TRAPPC9: variants seen among roughly 807,000 people sequenced by gnomAD.
TRAPPC9 encodes the protein IKK2 binding protein.
A neutral mutation model predicts 124.0 loss-of-function variants in TRAPPC9; 83 were observed. That is an observed-to-expected ratio of 0.67 (90% CI 0.56 to 0.80). The LOEUF (loss-of-function observed/expected upper bound fraction) is 0.80. TRAPPC9 is among the 30% of genes least tolerant of loss of function. The probability of loss-of-function intolerance (pLI) is 0.00; values close to 1 mark genes in which losing one functional copy is unlikely to be tolerated. For synonymous variants in TRAPPC9, 638 were observed against 617.5 expected (o/e 1.03, Z -0.49); for missense variants, 1,302 against 1,508.3 (o/e 0.86, Z 2.27).
At chr8:139,839,220 C>A (rs537288944) in intron 21 of TRAPPC9, among the ~76,000 whole-genome samples, 78 of 152,356 alleles carry the variant, frequency 5.1e-4, no homozygotes, top group African/African-American at 1.8e-3. Context: ...ATGCTGAGCA[C>A]CTGCCACGCT....
rs372444198 is a variant in TRAPPC9, at chr8:140,408,429, C to T, written c.887-2731G>A. Among the ~76,000 whole-genome samples the T allele has an allele frequency of 1.6e-4, 24 of 152,202 alleles. No individual in the cohort carries two copies. The East Asian group carries it at 4.3e-3, about 27-fold the overall frequency. On this transcript the variant is annotated intron_variant, in intron 5 of 22. Coordinates refer to ENST00000438773, the MANE Select transcript of TRAPPC9 (RefSeq NM_001160372.4). ...GCACAAAACTGGAAACCCAGACATA[C>T]ACATAAGATAAAGCAAAAAAAAGAA...
At chr8:140,036,714 G>C (rs1406892631) in intron 17 of TRAPPC9, among the ~76,000 whole-genome samples, 2 of 152,230 alleles carry the variant, frequency 1.3e-5, no homozygotes, top group Admixed American at 6.5e-5. Context: ...ACTCAGAGCA[G>C]GGAGCCCATC....
chr8:140,337,951 C>A (rs1449370229), intron 9 of TRAPPC9, among the ~76,000 whole-genome samples: 1 of 152,124 alleles, frequency 6.6e-6, no homozygotes, highest in Non-Finnish European at 1.5e-5. Flanking sequence ...TTCTCCCCTG[C>A]AAAACGGGGT....
At chr8:140,047,522 G>A (rs542608158) in intron 17 of TRAPPC9, among the ~76,000 whole-genome samples, 1 of 152,318 alleles carries the variant, frequency 6.6e-6, no homozygotes, top group Admixed American at 6.5e-5. Context: ...ACTGCCTCGG[G>A]ATATAGGGAA....
intron 19 of TRAPPC9, among the ~76,000 whole-genome samples, chr8:139,937,423 T>A (rs1262220365): frequency 6.6e-6 from 1 of 152,130 alleles, no homozygotes; most frequent in African/African-American, 2.4e-5. Flanking sequence ...GTTATTTTTG[T>A]GGGTTGGGCT....
At chr8:140,428,021 A>G (rs953370950) in intron 4 of TRAPPC9, among the ~76,000 whole-genome samples, 2 of 152,174 alleles carry the variant, frequency 1.3e-5, no homozygotes, top group Non-Finnish European at 2.9e-5. Flanking sequence ...CCCCACCGCC[A>G]CACACGCCAC....
chr8:139,818,737 A>G (rs553315455), intron 21 of TRAPPC9, among the ~76,000 whole-genome samples: 1 of 152,212 alleles, frequency 6.6e-6, no homozygotes, highest in Non-Finnish European at 1.5e-5. Context: ...TGTGATGTTA[A>G]CTGGCTTATG....
chr8:140,386,732 C>T (rs530268447), intron 7 of TRAPPC9, among the ~76,000 whole-genome samples: 2 of 152,254 alleles, frequency 1.3e-5, no homozygotes, highest in East Asian at 1.9e-4. Context: ...GTGAAAATGG[C>T]CATACTGCCC....
At chr8:140,363,287 GT>G (rs1422787707) in intron 8 of TRAPPC9, among the ~76,000 whole-genome samples, 1 of 152,162 alleles carries the variant, frequency 6.6e-6, no homozygotes, top group Non-Finnish European at 1.5e-5. Context: ...ACACATCAGT[GT>G]TCCTTCCTCG....
chr8:140,264,134 C>T (rs1192043131), intron 15 of TRAPPC9, among the ~76,000 whole-genome samples: 1 of 152,176 alleles, frequency 6.6e-6, no homozygotes, highest in African/African-American at 2.4e-5. Context: ...CGGAAACAGA[C>T]CAGACCAGAA....
chr8:139,837,335 G>A (rs866986932), intron 21 of TRAPPC9, among the ~76,000 whole-genome samples: 15 of 152,136 alleles, frequency 9.9e-5, no homozygotes, highest in African/African-American at 3.6e-4. Context: ...ACGGGGCAGG[G>A]TCTTCCGGCT....
intron 21 of TRAPPC9, among the ~76,000 whole-genome samples, chr8:139,830,479 C>T (rs915324160): frequency 2.6e-5 from 4 of 151,868 alleles, no homozygotes; most frequent in Non-Finnish European, 4.4e-5. Flanking sequence ...TAAACACATG[C>T]GTACACAGAT....
intron 20 of TRAPPC9, among the ~76,000 whole-genome samples, chr8:139,891,342 G>A (rs553763622): frequency 7.2e-5 from 11 of 152,242 alleles, no homozygotes; most frequent in Non-Finnish European, 8.8e-5. Flanking sequence ...CATCTGGCAC[G>A]TCGGAGAGGC....
At chr8:139,952,777 G>C (rs1834726230) in intron 19 of TRAPPC9, among the ~76,000 whole-genome samples, 1 of 152,242 alleles carries the variant, frequency 6.6e-6, no homozygotes, top group South Asian at 2.1e-4. Context: ...TGTCGATGCT[G>C]TTCTCTACTG....
chr8:139,953,199 T>C (rs541030268), intron 19 of TRAPPC9, among the ~76,000 whole-genome samples: 27 of 152,290 alleles, frequency 1.8e-4, no homozygotes, highest in Admixed American at 1.3e-4. Flanking sequence ...ACTATAAAAC[T>C]TGTAAAAGTA....
At chr8:140,296,907 C>T (rs1486472520) in intron 11 of TRAPPC9, among the ~76,000 whole-genome samples, 1 of 152,208 alleles carries the variant, frequency 6.6e-6, no homozygotes, top group Non-Finnish European at 1.5e-5. Flanking sequence ...GCCAGAGACT[C>T]TAGAAGGTCC....
chr8:139,900,997 TAAATA>T (rs776384779), intron 20 of TRAPPC9, among the ~76,000 whole-genome samples: 1,835 of 115,304 alleles, frequency 0.016, 24 homozygotes, highest in African/African-American at 0.065. Context: ...AATAAATAAA[TAAATA>T]AAATAAATAA....
At chr8:139,828,240 C>G (rs562261638) in intron 21 of TRAPPC9, among the ~76,000 whole-genome samples, 1 of 152,362 alleles carries the variant, frequency 6.6e-6, no homozygotes, top group Admixed American at 6.5e-5. Context: ...GAGGGTCACA[C>G]TGTACCTGGT....
At chr8:140,014,649 T>A (rs1839348958) in intron 18 of TRAPPC9, among the ~76,000 whole-genome samples, 1 of 152,074 alleles carries the variant, frequency 6.6e-6, no homozygotes, top group Non-Finnish European at 1.5e-5. Context: ...AAAGGGTCTG[T>A]CCAGCGGCAG....
Sources: allele counts gnomAD v4.1 joint callset (sites outside exome capture counted in the v4.1 genomes callset), GRCh38; gene constraint gnomAD v4.1.1; transcripts MANE v1.5; gene names NCBI Gene and HGNC (gene_info 2026-07-23, HGNC 2026-07-21).